Variants in CYP2J2 observed in about 807,000 individuals in gnomAD.
CYP2J2 encodes the protein cytochrome P450 2J2.
Under a neutral mutation model 48.8 loss-of-function variants are expected in CYP2J2, and 41 were observed. The ratio of observed to expected loss-of-function variants is 0.84; its 90% CI spans 0.66 to 1.09. The LOEUF is 1.09. Among genes scored for constraint, CYP2J2 ranks in the 50% least tolerant of loss-of-function variants. CYP2J2 has a pLI of 0.00. For synonymous variants in CYP2J2, 221 were observed against 227.1 expected (o/e 0.97, Z 0.24); for missense variants, 644 against 617.3 (o/e 1.04, Z -0.46).
intron 5 of CYP2J2, 150 bp from the exon 6 acceptor site, chr1:59,908,077 C>G: frequency 1.4e-6 from 1 of 699,078 alleles, no homozygotes; most frequent in Admixed American, 2.6e-5. Flanking sequence ...AGAAGGCAGA[C>G]TCTTATTACA....
At chr1:59,901,924 C>A (rs1419836223) in intron 7 of CYP2J2, among the ~76,000 whole-genome samples, 2 of 152,162 alleles carry the variant, frequency 1.3e-5, no homozygotes. Context: ...GCCCCCACTG[C>A]TCATACCTAG....
At chr1:59,900,211 C>A (rs1644305021) in intron 8 of CYP2J2, among the ~76,000 whole-genome samples, 1 of 152,178 alleles carries the variant, frequency 6.6e-6, no homozygotes, top group Non-Finnish European at 1.5e-5. Flanking sequence ...CTGACTGATG[C>A]CCATGTGGCA....
At chr1:59,960,586 A>T in the CYP2J2 span, among the ~76,000 whole-genome samples, 1 of 152,206 alleles carries the variant, frequency 6.6e-6, no homozygotes, top group South Asian at 2.1e-4. Context: ...CAAACTATCA[A>T]TCAAGAATAA....
At position 59,916,002 on chromosome 1, in the gene CYP2J2, G is replaced by A. The variant is rs2229190; in HGVS notation, c.309C>T (p.His103=). 3.0e-3 allele frequency: 4,828 copies of A among 1,614,016 alleles called. 143 individuals carry two copies. In the African/African-American group the frequency reaches 0.058, roughly 19 times the overall value. The change falls in exon 2 of 9, where the codon CAC becomes CAT. Residue 103 remains histidine (H), a synonymous_variant. Transcript: ENST00000371204. ...GGCGGTTCCCAAAGTTTTGGTCCATGTGGATAAGGGCTTCTTTGATTAAGG... is the reference window on the plus strand; with the variant it reads ...GGCGGTTCCCAAAGTTTTGGTCCATATGGATAAGGGCTTCTTTGATTAAGG... The part of the protein sequence containing the change: ...GLPLIKEALI[H]MDQNFGNRPV...
chr1:59,957,254 C>T, the CYP2J2 span, among the ~76,000 whole-genome samples: 1 of 149,882 alleles, frequency 6.7e-6, no homozygotes, highest in African/African-American at 2.5e-5. Context: ...GTAGGATCTG[C>T]AGAAGGGAAA....
intron 2 of CYP2J2, among the ~76,000 whole-genome samples, chr1:59,913,981 T>A (rs934691421): frequency 1.3e-5 from 2 of 152,238 alleles, no homozygotes; most frequent in African/African-American, 2.4e-5. Context: ...CTTGTCATGT[T>A]GGCCACCTTT....
chr1:59,902,703 C>A (rs1644331241), intron 7 of CYP2J2, among the ~76,000 whole-genome samples: 1 of 152,166 alleles, frequency 6.6e-6, no homozygotes, highest in Non-Finnish European at 1.5e-5. Flanking sequence ...GTGTGAGCCA[C>A]CATGCCCGGC....
chr1:59,966,508 A>G, the CYP2J2 span, among the ~76,000 whole-genome samples: 2 of 152,330 alleles, frequency 1.3e-5, no homozygotes, highest in East Asian at 3.9e-4. Flanking sequence ...AGACCCAAAC[A>G]CAGGTCTTTG....
the CYP2J2 span, among the ~76,000 whole-genome samples, chr1:59,948,328 C>A: frequency 5.3e-5 from 8 of 152,126 alleles, no homozygotes; most frequent in Non-Finnish European, 1.2e-4. Flanking sequence ...TATATGAAAT[C>A]CCCTGATGGC....
chr1:59,912,496 C>T, intron 2 of CYP2J2, 185 bp from the exon 3 acceptor site: 1 of 594,832 alleles, frequency 1.7e-6, no homozygotes, highest in Non-Finnish European at 2.9e-6. Flanking sequence ...CTTGCAATGG[C>T]AGGCACTTTA....
the CYP2J2 span, among the ~76,000 whole-genome samples, chr1:59,969,161 A>T: frequency 6.6e-6 from 1 of 152,212 alleles, no homozygotes; most frequent in Admixed American, 6.5e-5. Context: ...GATTTATTGC[A>T]AACAGAGAAA....
chr1:59,943,447 C>T, the CYP2J2 span, among the ~76,000 whole-genome samples: 1 of 152,104 alleles, frequency 6.6e-6, no homozygotes, highest in East Asian at 1.9e-4. Context: ...TGAGAAAATA[C>T]GGATGGAGAG....
At chr1:59,926,394 A>G in intron 1 of CYP2J2, 143 bp downstream of exon 1, 4 of 658,550 alleles carry the variant, frequency 6.1e-6, no homozygotes, top group East Asian at 2.7e-5. Context: ...ATGAAACTCA[A>G]AGTGGGTTTT....
upstream of CYP2J2, among the ~76,000 whole-genome samples, chr1:59,927,918 T>C (rs1182729756): frequency 2.6e-5 from 4 of 152,220 alleles, no homozygotes; most frequent in African/African-American, 9.6e-5. Flanking sequence ...AGAGAAATAC[T>C]AGTCAGAGCT....
At chr1:59,952,284 G>A in the CYP2J2 span, among the ~76,000 whole-genome samples, 1 of 150,942 alleles carries the variant, frequency 6.6e-6, no homozygotes, top group Non-Finnish European at 1.5e-5. Context: ...GGGTCAACCA[G>A]TTGCCAATTC....
the CYP2J2 span, among the ~76,000 whole-genome samples, chr1:59,967,029 C>A: frequency 4.6e-5 from 7 of 152,108 alleles, no homozygotes; most frequent in South Asian, 4.1e-4. Context: ...GTATATCCAA[C>A]CTTCTCTGTT....
chr1:59,899,096 G>A (rs1470554792), intron 8 of CYP2J2, among the ~76,000 whole-genome samples: 1 of 152,138 alleles, frequency 6.6e-6, no homozygotes, highest in Non-Finnish European at 1.5e-5. Context: ...CTCTCATCAC[G>A]GTTGCAGCTG....
intron 8 of CYP2J2, among the ~76,000 whole-genome samples, chr1:59,900,719 G>A (rs768746533): frequency 1.3e-5 from 2 of 152,304 alleles, no homozygotes; most frequent in East Asian, 1.9e-4. Context: ...TTTTCCAGAG[G>A]ACAGAACACA....
At chr1:59,940,426 T>C in the CYP2J2 span, among the ~76,000 whole-genome samples, 1 of 152,206 alleles carries the variant, frequency 6.6e-6, no homozygotes, top group Non-Finnish European at 1.5e-5. Context: ...TCCTACTGTC[T>C]TGCATCTTGG....
Sources: gnomAD v4.1 joint callset for allele counts (sites outside exome capture counted in the v4.1 genomes callset) on GRCh38, gnomAD v4.1.1 for gene constraint, MANE v1.5 for transcripts, NCBI Gene and HGNC (gene_info 2026-07-23, HGNC 2026-07-21) for gene names.